Variants in FGF13 observed in about 807,000 individuals in gnomAD.
FGF13 encodes fibroblast growth factor homologous factor 2.
FGF13 carries 2 observed loss-of-function variants against 19.5 expected under a neutral mutation model. That is an observed-to-expected ratio of 0.10 (90% CI 0.04 to 0.32). The LOEUF (loss-of-function observed/expected upper bound fraction) is 0.32. FGF13 is among the 10% of genes least tolerant of loss of function. The pLI, the probability that FGF13 is intolerant of heterozygous loss-of-function variation, is 1.00. For missense variants in FGF13, 113 were observed against 192.7 expected, an observed-to-expected ratio of 0.59 and a Z score of 2.45; for synonymous variants, 72 against 76.9, an observed-to-expected ratio of 0.94 and a Z score of 0.33.
chrX:139,000,507 T>C (rs1369524266), intron 1 of FGF13, among the ~76,000 whole-genome samples: 2 of 111,957 alleles, frequency 1.8e-5, no homozygotes, highest in Non-Finnish European at 3.8e-5. Context: ...ACAAAATCAA[T>C]GTGCAAAAAT....
chrX:139,030,518 T>C (rs1569444291), intron 1 of FGF13, among the ~76,000 whole-genome samples: 1 of 111,842 alleles, frequency 8.9e-6, no homozygotes, highest in East Asian at 2.8e-4. Flanking sequence ...CTATATTACC[T>C]CACAGTTCTG....
upstream of FGF13, chrX:139,204,233 G>A (rs777338954): frequency 3.0e-5 from 19 of 639,103 alleles, no homozygotes; most frequent in Non-Finnish European, 4.7e-5. Flanking sequence ...GTTCGGGGCG[G>A]AATCCGCTTT....
chrX:138,700,280 T>A (rs2089934303), intron 3 of FGF13, among the ~76,000 whole-genome samples: 1 of 111,470 alleles, frequency 9.0e-6, no homozygotes, highest in African/African-American at 3.3e-5. Context: ...CTCCTTTGCT[T>A]ACTTTTGCTT....
In FGF13 at chrX:138,619,485, G is replaced by A. The variant is rs770915608; in HGVS notation, c.*13365C>T. The A allele has an allele frequency of 1.2e-4, 13 of 111,259 alleles. No individual in the cohort carries two copies. Among genetic ancestry groups the A allele is most frequent in the African/African-American group, 4.2e-4 (13 of 30,616 alleles). 9.2% of individuals were successfully genotyped at this position (111,259 alleles called of 1,213,427 possible). A position where few individuals can be genotyped will look rare whatever the true frequency, so the allele number is the denominator to read the frequency against. On this transcript the variant is annotated 3_prime_UTR_variant, in exon 5 of 5. Transcript: ENST00000315930. ...CTGCACATGTACCCCAGAACTTCAA[G>A]TATAATATAAAAAGAAAGAAAGACA...
intron 1 of FGF13, among the ~76,000 whole-genome samples, chrX:139,049,706 T>C (rs1055669070): frequency 8.9e-6 from 1 of 112,765 alleles, no homozygotes; most frequent in Non-Finnish European, 1.9e-5. Flanking sequence ...GTTATTTCTA[T>C]CTTGCTGACT....
In FGF13 at chrX:138,717,394, T is replaced by C. The variant is rs148296565; in HGVS notation, c.29-8466A>G. Among the ~76,000 whole-genome samples the C allele has an allele frequency of 4.1e-3, 459 of 112,049 alleles. 4 individuals carry two copies. Among genetic ancestry groups the C allele is most frequent in the African/African-American group, 0.014 (437 of 30,822 alleles). On this transcript the variant is annotated intron_variant, in intron 1 of 4. Transcript: ENST00000305414. Reference sequence around the variant, plus strand: ...GATTTTTCTTCTATAAAACCTTTTATGAATACAACAAAAACCTTTTCTATC... The same window carrying C: ...GATTTTTCTTCTATAAAACCTTTTACGAATACAACAAAAACCTTTTCTATC...
At chrX:139,006,973 G>T (rs2092104079) in intron 1 of FGF13, among the ~76,000 whole-genome samples, 2 of 111,472 alleles carry the variant, frequency 1.8e-5, no homozygotes, top group African/African-American at 6.5e-5. Flanking sequence ...ATAACCAAAT[G>T]CCAGGAGTAA....
intron 1 of FGF13, among the ~76,000 whole-genome samples, chrX:139,060,809 T>C (rs2092334060): frequency 1.8e-5 from 2 of 111,363 alleles, no homozygotes; most frequent in South Asian, 7.4e-4. Context: ...CACATGCACA[T>C]GCAAACATAC....
rs540070946 is a variant in FGF13 at position 138,885,703 on chromosome X, C to T, written c.-112-21053G>A. Among the ~76,000 whole-genome samples, 93 of 107,826 alleles carry T rather than the reference C, an allele frequency of 8.6e-4. 3 individuals are homozygous for T. In the South Asian group the frequency reaches 0.029, roughly 34 times the overall value. The allele number at this position is 107,826 out of a possible 115,157, so 93.6% of individuals were successfully genotyped here. ...CTTCTCCATGAGGGCTTCTCTAACC[C>T]CCCCCGCCAATACTACCACCCATTA... On this transcript the variant is annotated intron_variant, in intron 1 of 2. Coordinates refer to the FGF13 transcript ENST00000421460.
At chrX:139,159,844 C>G (rs2084014140) in intron 1 of FGF13, among the ~76,000 whole-genome samples, 1 of 110,493 alleles carries the variant, frequency 9.1e-6, no homozygotes, top group African/African-American at 3.3e-5. Context: ...ATAAAGCAAG[C>G]CCTTAGAGAC....
intron 1 of FGF13, among the ~76,000 whole-genome samples, chrX:139,178,626 G>A (rs950943335): frequency 8.9e-5 from 10 of 112,263 alleles, no homozygotes; most frequent in Non-Finnish European, 1.5e-4. Context: ...GATTCAGATT[G>A]TGATTATGAG....
At chrX:138,913,699 AG>A (rs1432413992) in intron 1 of FGF13, among the ~76,000 whole-genome samples, 7 of 104,383 alleles carry the variant, frequency 6.7e-5, no homozygotes, top group African/African-American at 2.5e-4. Flanking sequence ...GAAGGAAGGA[AG>A]GAAGGAAAGA....
intron 3 of FGF13, among the ~76,000 whole-genome samples, chrX:138,763,684 C>A (rs754436754): frequency 8.9e-6 from 1 of 111,756 alleles, no homozygotes; most frequent in Non-Finnish European, 1.9e-5. Context: ...GCATTCTTCC[C>A]TTTGTGCACT....
intron 1 of FGF13, among the ~76,000 whole-genome samples, chrX:139,004,059 G>A (rs1269283402): frequency 8.9e-6 from 1 of 112,694 alleles, no homozygotes; most frequent in African/African-American, 3.2e-5. Flanking sequence ...GATGGGACTG[G>A]GCGCTGTGGA....
chrX:138,972,627 G>T (rs1029647877), intron 1 of FGF13, among the ~76,000 whole-genome samples: 1 of 111,119 alleles, frequency 9.0e-6, no homozygotes, highest in Non-Finnish European at 1.9e-5. Context: ...AAAGTGCTGG[G>T]ATTACAGGTG....
Position 138,840,317 on chromosome X carries a change from C to T in FGF13, c.217+17195G>A, listed in dbSNP as rs768889380. On this transcript the variant is annotated intron_variant, in intron 3 of 6. Transcript: ENST00000436198. Reference sequence around the variant, plus strand: ...AAAGAGAACTGGGGAGTTTGAAAACCTTTAGACTTTCAGTTGGATAAACAA... The same window carrying T: ...AAAGAGAACTGGGGAGTTTGAAAACTTTTAGACTTTCAGTTGGATAAACAA... 4.5e-4 allele frequency among the ~76,000 whole-genome samples: 50 copies of T among 111,626 alleles called. 4 individuals are homozygous for T. Among genetic ancestry groups the T allele is most frequent in the East Asian group, 3.4e-3 (12 of 3,506 alleles).
intron 1 of FGF13, among the ~76,000 whole-genome samples, chrX:138,924,769 C>T (rs2091663664): frequency 9.2e-6 from 1 of 108,486 alleles, no homozygotes; most frequent in Admixed American, 9.9e-5. Flanking sequence ...GGAAGGAAAC[C>T]GTAAGGGACA....
chrX:138,919,165 C>A (rs2091632318), intron 1 of FGF13, among the ~76,000 whole-genome samples: 1 of 111,623 alleles, frequency 9.0e-6, no homozygotes, highest in Admixed American at 9.5e-5. Context: ...AAATACACCA[C>A]GTACAAACTA....
downstream of FGF13, among the ~76,000 whole-genome samples, chrX:138,853,887 A>T (rs1377127138): frequency 9.0e-6 from 1 of 111,600 alleles, no homozygotes; most frequent in Admixed American, 9.6e-5. Flanking sequence ...TCTCTTTAAC[A>T]ATCTTCGAAC....
Sources: gnomAD v4.1 joint callset for allele counts (sites outside exome capture counted in the v4.1 genomes callset) on GRCh38, gnomAD v4.1.1 for gene constraint, MANE v1.5 for transcripts, NCBI Gene and HGNC (gene_info 2026-07-23, HGNC 2026-07-21) for gene names.